TBC1D5: variants seen among roughly 807,000 people sequenced by gnomAD.
TBC1D5 encodes the protein TBC1 domain family member 5, also known as TBC1 domain family, member 5.
TBC1D5 carries 75 observed loss-of-function variants against 100.3 expected under a neutral mutation model. The observed-to-expected ratio is 0.75, with a 90% CI of 0.62 to 0.91. TBC1D5 has a LOEUF of 0.91. Ranked by LOEUF, TBC1D5 falls within the 40% of genes least tolerant of loss-of-function variation. The pLI is 0.00. For missense variants in TBC1D5, 910 were observed against 942.4 expected, an observed-to-expected ratio of 0.97 and a Z score of 0.45; for synonymous variants, 323 against 325.6, an observed-to-expected ratio of 0.99 and a Z score of 0.09.
intron 18 of TBC1D5, among the ~76,000 whole-genome samples, chr3:17,202,725 T>C (rs1341144402): frequency 6.6e-6 from 1 of 152,228 alleles, no homozygotes; most frequent in Admixed American, 6.5e-5. Context: ...TCGCAGGCTG[T>C]TGCTCCAGAG....
intron 21 of TBC1D5, among the ~76,000 whole-genome samples, chr3:17,165,896 C>A (rs1194532961): frequency 6.6e-6 from 1 of 152,148 alleles, no homozygotes; most frequent in Non-Finnish European, 1.5e-5. Context: ...AAACATAATG[C>A]CTGGCAGGCT....
chr3:17,693,798 G>C (rs1053734579), intron 1 of TBC1D5, among the ~76,000 whole-genome samples: 3 of 152,218 alleles, frequency 2.0e-5, no homozygotes, highest in African/African-American at 7.2e-5. Context: ...CCCTGAACCC[G>C]TGTAGCCAAA....
intron 2 of TBC1D5, among the ~76,000 whole-genome samples, chr3:17,587,262 T>C (rs899638816): frequency 2.6e-5 from 4 of 152,014 alleles, no homozygotes; most frequent in African/African-American, 9.7e-5. Context: ...CTGTTAATAA[T>C]AAAAAATTAC....
chr3:17,679,717 C>A (rs1024177665), intron 1 of TBC1D5, among the ~76,000 whole-genome samples: 1 of 151,570 alleles, frequency 6.6e-6, no homozygotes, highest in Non-Finnish European at 1.5e-5. Flanking sequence ...CCCCTCCACA[C>A]AAATTTCTCC....
intron 15 of TBC1D5, among the ~76,000 whole-genome samples, chr3:17,276,735 T>G (rs998527503): frequency 9.9e-5 from 15 of 152,182 alleles, no homozygotes; most frequent in South Asian, 2.1e-4. Flanking sequence ...CAAATGTGCT[T>G]CTTCTTCTTT....
At chr3:17,550,926 A>T (rs1045276392) in intron 2 of TBC1D5, among the ~76,000 whole-genome samples, 1 of 152,172 alleles carries the variant, frequency 6.6e-6, no homozygotes, top group Non-Finnish European at 1.5e-5. Context: ...AACCAAAAAA[A>T]ATCCCAGTTC....
intron 18 of TBC1D5, among the ~76,000 whole-genome samples, chr3:17,208,516 AAAT>A (rs1329775328): frequency 6.6e-6 from 1 of 152,214 alleles, no homozygotes; most frequent in Non-Finnish European, 1.5e-5. Context: ...CTATTTAATA[AAAT>A]AATAAGATAA....
intron 10 of TBC1D5, among the ~76,000 whole-genome samples, chr3:17,375,307 A>C (rs1575585893): frequency 1.3e-5 from 2 of 152,028 alleles, no homozygotes; most frequent in Admixed American, 6.6e-5. Flanking sequence ...GGTGGCTCAC[A>C]CCTGTAATCC....
chr3:17,526,694 T>C (rs1560087529), intron 2 of TBC1D5, among the ~76,000 whole-genome samples: 1 of 152,206 alleles, frequency 6.6e-6, no homozygotes, highest in Admixed American at 6.5e-5. Context: ...GACATATACA[T>C]AGTAAGCATT....
At chr3:17,258,476 T>C (rs751746530) in intron 16 of TBC1D5, 30 bp downstream of exon 16, 2 of 1,592,366 alleles carry the variant, frequency 1.3e-6, no homozygotes, top group Non-Finnish European at 1.7e-6. Context: ...CTTTGTGATT[T>C]ATAACTATCA....
intron 15 of TBC1D5, among the ~76,000 whole-genome samples, chr3:17,285,101 T>G (rs2081030327): frequency 6.6e-6 from 1 of 151,906 alleles, no homozygotes; most frequent in Non-Finnish European, 1.5e-5. Flanking sequence ...GGAAACAATC[T>G]TGCTGTAACA....
At chr3:17,159,352 A>G in exon 22 of TBC1D5, 1 of 152,230 alleles carries the variant, frequency 6.6e-6, no homozygotes, top group East Asian at 1.9e-4. Context: ...ATTTGTCTAT[A>G]GAGATATATA....
chr3:17,301,187 G>A (rs1442007704), intron 14 of TBC1D5, among the ~76,000 whole-genome samples: 1 of 151,756 alleles, frequency 6.6e-6, no homozygotes, highest in African/African-American at 2.4e-5. Flanking sequence ...TTTTTATAGT[G>A]TTTTAGCTAT....
At chr3:17,432,256 G>C (rs750275143) in intron 3 of TBC1D5, among the ~76,000 whole-genome samples, 2 of 152,114 alleles carry the variant, frequency 1.3e-5, no homozygotes, top group Non-Finnish European at 2.9e-5. Context: ...ACAAAGCTAT[G>C]AGTTTAGTGT....
chr3:17,235,744 GGCTCATCAAT>G (rs2075803934), intron 17 of TBC1D5, among the ~76,000 whole-genome samples: 1 of 152,126 alleles, frequency 6.6e-6, no homozygotes, highest in African/African-American at 2.4e-5. Context: ...TGTTGCTTAG[GGCTCATCAAT>G]GGATGAATAG....
intron 13 of TBC1D5, among the ~76,000 whole-genome samples, chr3:17,324,378 C>A (rs1308386218): frequency 6.6e-6 from 1 of 152,174 alleles, no homozygotes; most frequent in Non-Finnish European, 1.5e-5. Context: ...TGTGGTGGCT[C>A]ACACCTGTAT....
intron 1 of TBC1D5, among the ~76,000 whole-genome samples, chr3:17,731,833 T>TA (rs901013685): frequency 2.7e-4 from 40 of 150,166 alleles, no homozygotes; most frequent in East Asian, 2.3e-3. Flanking sequence ...GTGCTGAGAT[T>TA]AAAAAAAAAA....
At chr3:17,441,351 A>T (rs577328235) in intron 3 of TBC1D5, among the ~76,000 whole-genome samples, 1 of 152,358 alleles carries the variant, frequency 6.6e-6, no homozygotes, top group Non-Finnish European at 1.5e-5. Flanking sequence ...GCTGTAAATA[A>T]AATACAAAAC....
intron 1 of TBC1D5, among the ~76,000 whole-genome samples, chr3:17,648,409 T>C (rs2065210644): frequency 6.6e-6 from 1 of 152,168 alleles, no homozygotes; most frequent in South Asian, 2.1e-4. Flanking sequence ...ATTCAGGACA[T>C]AGGCACAGGC....
Sources: gnomAD v4.1 joint callset for allele counts (sites outside exome capture counted in the v4.1 genomes callset) on GRCh38, gnomAD v4.1.1 for gene constraint, MANE v1.5 for transcripts, NCBI Gene and HGNC (gene_info 2026-07-23, HGNC 2026-07-21) for gene names.